Variants in C2orf92 observed in about 807,000 individuals in gnomAD.
C2orf92 encodes uncharacterized protein C2orf92.
chr2:97,674,919 C>T (rs747882519), intron 2 of C2orf92, among the ~76,000 whole-genome samples: 3 of 152,130 alleles, frequency 2.0e-5, no homozygotes, highest in Admixed American at 6.6e-5. Context: ...TGTTCACCAG[C>T]GCTTTATAGG....
At chr2:97,699,623 A>C (rs1329829541) in intron 6 of C2orf92, among the ~76,000 whole-genome samples, 1 of 152,120 alleles carries the variant, frequency 6.6e-6, no homozygotes, top group Non-Finnish European at 1.5e-5. Flanking sequence ...AAATAAATAA[A>C]TAAAAACCCA....
At chr2:97,697,894 AT>A (rs879694590) in intron 5 of C2orf92, 572 of 146,258 alleles carry the variant, frequency 3.9e-3, no homozygotes, top group Middle Eastern at 7.1e-3. Flanking sequence ...TGCCTGGCTA[AT>A]TTTTTTTTTT....
intron 3 of C2orf92, among the ~76,000 whole-genome samples, chr2:97,687,069 A>G (rs1467666443): frequency 6.6e-6 from 1 of 152,072 alleles, no homozygotes; most frequent in Non-Finnish European, 1.5e-5. Flanking sequence ...GTACACTTAA[A>G]TAGAGTAAAA....
intron 2 of C2orf92, 37 bp downstream of exon 2, chr2:97,674,594 C>T (rs1375146725): frequency 2.5e-6 from 1 of 398,324 alleles, no homozygotes; most frequent in South Asian, 1.3e-4. Flanking sequence ...GTGTACATAC[C>T]TCTACAGACC....
rs372334285 is a variant in C2orf92, at chr2:97,695,736, C to CTTTCT, written c.404-3266_404-3262dup. Among the ~76,000 whole-genome samples, 986 of 151,396 alleles carry CTTTCT rather than the reference C, an allele frequency of 6.5e-3. 12 individuals are homozygous for CTTTCT. Among genetic ancestry groups the CTTTCT allele is most frequent in the African/African-American group, 0.019 (792 of 41,036 alleles). ...AGGACAACATTTTTTCTTTTATTTTCTTTCTTTTCTTTTCTTTTCTTTTCT... is the reference window on the plus strand; with the variant it reads ...AGGACAACATTTTTTCTTTTATTTTCTTTCTTTTCTTTTCTTTTCTTTTCTTTTCT... On this transcript the variant is annotated intron_variant, in intron 5 of 7. Transcript: ENST00000627399.
chr2:97,688,017 G>T (rs1676019101), intron 3 of C2orf92, among the ~76,000 whole-genome samples: 1 of 151,912 alleles, frequency 6.6e-6, no homozygotes, highest in South Asian at 2.1e-4. Context: ...ATGGGAGTCT[G>T]GTTGGGGGTT....
upstream of C2orf92, among the ~76,000 whole-genome samples, chr2:97,665,376 G>A (rs940800960): frequency 2.0e-5 from 3 of 152,116 alleles, no homozygotes; most frequent in African/African-American, 7.2e-5. Flanking sequence ...TATTGTTGCT[G>A]GAAAAGGGGT....
chr2:97,679,967 C>T (rs1162567003), intron 3 of C2orf92, among the ~76,000 whole-genome samples: 1 of 151,658 alleles, frequency 6.6e-6, no homozygotes, highest in African/African-American at 2.4e-5. Context: ...AAAACACAAA[C>T]CCCTAAATGA....
intron 3 of C2orf92, among the ~76,000 whole-genome samples, chr2:97,682,187 G>A (rs1178793652): frequency 6.6e-6 from 1 of 152,140 alleles, no homozygotes; most frequent in Non-Finnish European, 1.5e-5. Context: ...ATAAACATTT[G>A]TATGCTCACA....
chr2:97,665,721 CTCTCTCTCTCTCTCTCTATATATA>C (rs1467903899), upstream of C2orf92: 476 of 63,012 alleles, frequency 7.6e-3, 2 homozygotes, highest in African/African-American at 0.026. Flanking sequence ...CTCTCTCTCT[CTCTCTCTCTCTCTCTCTATATATA>C]TATATATATA....
In C2orf92 at chr2:97,690,250, T is replaced by C. The variant is rs552239190; in HGVS notation, c.332-6T>C. 5 of 399,030 alleles carry C rather than the reference T, an allele frequency of 1.3e-5. No individual in the cohort carries two copies. Among genetic ancestry groups the C allele is most frequent in the Non-Finnish European group, 2.2e-5 (5 of 226,044 alleles). 24.7% of individuals were successfully genotyped at this position (399,030 alleles called of 1,614,324 possible). The stretch of plus-strand genomic sequence containing the variant: ...TATTGTTTTTTATTCATGTGTCTTA[T>C]CAAAGGAACCAGCATTGCTTGGAAT... On this transcript the variant is annotated splice_polypyrimidine_tract_variant and splice_region_variant and intron_variant, in intron 4 of 7. Coordinates refer to ENST00000627399, the MANE Select transcript of C2orf92 (RefSeq NM_001351368.2).
At chr2:97,664,385 G>C (rs921916175) in exon 1 of C2orf92, 1 of 152,166 alleles carries the variant, frequency 6.6e-6, no homozygotes, top group East Asian at 1.9e-4. Flanking sequence ...CCAGCACCTC[G>C]GGCCACGCTC....
At chr2:97,694,742 G>A (rs1174416236) in intron 5 of C2orf92, 1 of 152,048 alleles carries the variant, frequency 6.6e-6, no homozygotes, top group East Asian at 1.9e-4. Context: ...GGTATTTTGG[G>A]TATATACTCA....
chr2:97,673,381 T>C (rs1675477241), intron 1 of C2orf92, among the ~76,000 whole-genome samples: 1 of 152,136 alleles, frequency 6.6e-6, no homozygotes, highest in Non-Finnish European at 1.5e-5. Flanking sequence ...TTCAAGGGCT[T>C]TTCATGATGC....
At chr2:97,671,588 G>C (rs922407511) in intron 1 of C2orf92, 5 of 398,216 alleles carry the variant, frequency 1.3e-5, no homozygotes, top group Non-Finnish European at 2.2e-5. Context: ...ACCTGTTCCC[G>C]CTGCTGTGAA....
At chr2:97,681,832 T>TG (rs1486303804) in intron 3 of C2orf92, among the ~76,000 whole-genome samples, 1 of 150,960 alleles carries the variant, frequency 6.6e-6, no homozygotes, top group African/African-American at 2.4e-5. Flanking sequence ...CACTCCAGCC[T>TG]GGCAACAGTG....
At position 97,701,308 on chromosome 2, in the gene C2orf92, C is replaced by G; in HGVS notation, c.665+4C>G. The stretch of plus-strand genomic sequence containing the variant: ...ACATCAGGAAGAAACAGCCATCGTG[C>G]GTGGTGCTGGCATAACCTTCCTTCC... On this transcript the variant is annotated splice_donor_region_variant and intron_variant, in intron 7 of 7. Transcript: ENST00000627399. 2.5e-6 allele frequency: 1 copy of G among 398,740 alleles called. No individual in the cohort carries two copies. The highest frequency in any genetic ancestry group is 3.6e-5 in the East Asian group (1 of 28,052). The allele number at this position is 398,740 out of a possible 1,614,324, so 24.7% of individuals were successfully genotyped here. A position where few individuals can be genotyped will look rare whatever the true frequency, so the allele number is the denominator to read the frequency against.
intron 1 of C2orf92, chr2:97,670,092 T>A: frequency 5.8e-6 from 2 of 345,788 alleles, no homozygotes; most frequent in Non-Finnish European, 1.0e-5. Flanking sequence ...AACTTTTCAC[T>A]GTAAGCATTT....
chr2:97,676,585 A>T (rs966607255), intron 3 of C2orf92, among the ~76,000 whole-genome samples: 13 of 151,206 alleles, frequency 8.6e-5, no homozygotes, highest in Non-Finnish European at 1.9e-4. Flanking sequence ...ATATCAAAAA[A>T]CACTAAAAAA....
Sources: gnomAD v4.1 joint callset for allele counts (sites outside exome capture counted in the v4.1 genomes callset) on GRCh38, gnomAD v4.1.1 for gene constraint, MANE v1.5 for transcripts, NCBI Gene and HGNC (gene_info 2026-07-23, HGNC 2026-07-21) for gene names.